The following ARHGAP42 variants were observed in gnomAD, a reference collection of about 807,000 sequenced individuals.
ARHGAP42 encodes the protein rho GTPase-activating protein 42.
Under a neutral mutation model 125.0 loss-of-function variants are expected in ARHGAP42, and 63 were observed. The ratio of observed to expected loss-of-function variants is 0.50; its 90% confidence interval spans 0.41 to 0.62. The LOEUF is 0.62. Among genes scored for constraint, ARHGAP42 ranks in the 20% least tolerant of loss-of-function variants. ARHGAP42 has a pLI of 0.00. For missense variants in ARHGAP42, 766 were observed against 1,024.2 expected (o/e 0.75, Z 3.44); for synonymous variants, 339 against 351.0 (o/e 0.97, Z 0.38).
intron 4 of ARHGAP42, among the ~76,000 whole-genome samples, chr11:100,905,285 C>T (rs1866693587): frequency 6.6e-6 from 1 of 152,156 alleles, no homozygotes; most frequent in South Asian, 2.1e-4. Context: ...CAAGTATTTG[C>T]CTTCAGGGAT....
intron 3 of ARHGAP42, among the ~76,000 whole-genome samples, chr11:100,841,214 C>T (rs1864939512): frequency 6.6e-6 from 1 of 152,130 alleles, no homozygotes; most frequent in Non-Finnish European, 1.5e-5. Flanking sequence ...TTGCTTTAAC[C>T]TTGTTAGCTC....
intron 1 of ARHGAP42, among the ~76,000 whole-genome samples, chr11:100,740,386 G>A (rs1371004715): frequency 3.3e-5 from 5 of 152,184 alleles, no homozygotes; most frequent in Non-Finnish European, 5.9e-5. Flanking sequence ...AAACTGTGAA[G>A]TGAGCACTAG....
chr11:100,842,593 T>A (rs1382428048), intron 3 of ARHGAP42, among the ~76,000 whole-genome samples: 1 of 152,076 alleles, frequency 6.6e-6, no homozygotes, highest in Non-Finnish European at 1.5e-5. Flanking sequence ...GGCGTAGAAA[T>A]CATAAGGTTT....
At chr11:100,793,212 C>T (rs1863614011) in intron 2 of ARHGAP42, among the ~76,000 whole-genome samples, 1 of 152,136 alleles carries the variant, frequency 6.6e-6, no homozygotes, top group Non-Finnish European at 1.5e-5. Flanking sequence ...GCTTCAGTGG[C>T]AGTAGATACC....
chr11:100,815,548 T>A lies in ARHGAP42; in HGVS notation c.312+20382T>A, dbSNP rs563853648. Among the ~76,000 whole-genome samples the A allele has an allele frequency of 9.2e-4, 140 of 152,338 alleles. 1 individual carries two copies. Among genetic ancestry groups the A allele is most frequent in the African/African-American group, 3.2e-3 (135 of 41,580 alleles). On this transcript the variant is annotated intron_variant, in intron 3 of 23. Transcript: ENST00000298815. ...TAGTTCCCAGATAGATGTGCAGATA[T>A]GTTTCTTCTTAGATGTGCAAAGAAT...
rs59112603 is a variant in ARHGAP42 at position 100,952,734 on chromosome 11, C to CTTTTTTT, written c.1162+2783_1162+2789dup. Among the ~76,000 whole-genome samples the CTTTTTTT allele has an allele frequency of 7.7e-5, 9 of 117,520 alleles. 2 individuals carry two copies. Among genetic ancestry groups the CTTTTTTT allele is most frequent in the Admixed American group, 1.0e-4 (1 of 9,854 alleles). 77.1% of individuals were successfully genotyped at this position (117,520 alleles called of 152,430 possible). A position where few individuals can be genotyped will look rare whatever the true frequency, so the allele number is the denominator to read the frequency against. On this transcript the variant is annotated intron_variant, in intron 12 of 23. Transcript: ENST00000298815. Reference sequence around the variant, plus strand: ...GTATTACTAATTCACCTAAGTCAGGCTTTTTTTTTTTGAGATGGAGTCTCA... The same window carrying CTTTTTTT: ...GTATTACTAATTCACCTAAGTCAGGCTTTTTTTTTTTTTTTTTTGAGATGGAGTCTCA...
intron 1 of ARHGAP42, among the ~76,000 whole-genome samples, chr11:100,710,356 AGCTGGGATTACAGGT>A (rs1861540657): frequency 6.6e-6 from 1 of 150,506 alleles, no homozygotes; most frequent in Admixed American, 6.6e-5. Flanking sequence ...CCTCCTGAGA[AGCTGGGATTACAGGT>A]GCATGCCACC....
At chr11:100,748,780 G>A (rs563256690) in intron 1 of ARHGAP42, among the ~76,000 whole-genome samples, 22 of 142,460 alleles carry the variant, frequency 1.5e-4, no homozygotes, top group African/African-American at 5.4e-4. Flanking sequence ...TTTGGGCTAC[G>A]CCCTTGTTTA....
chr11:100,902,052 T>C (rs899769753), intron 4 of ARHGAP42, among the ~76,000 whole-genome samples: 6 of 152,182 alleles, frequency 3.9e-5, no homozygotes, highest in African/African-American at 1.4e-4. Context: ...CAGACCCTCT[T>C]TTTTCTTTTT....
chr11:100,976,190 T>C lies in ARHGAP42; in HGVS notation c.1989T>C (p.Pro663=), dbSNP rs773220737. 1 of 1,551,692 alleles carries C rather than the reference T, an allele frequency of 6.4e-7. No homozygotes were observed. Among genetic ancestry groups the C allele is most frequent in the Non-Finnish European group, 8.7e-7 (1 of 1,146,934 alleles). ...CQPREKSGGI[P]WIATPSSSNG... is the part of the protein sequence containing the mutation. ...CCAGGGAGAAATCTGGAGGGATTCC[T>C]TGGATTGCAACCCCATCATCTTCCA... Residue 663 remains proline (P), a synonymous_variant, in exon 20 of 24, where the codon CCT becomes CCC. Coordinates refer to ENST00000298815, the MANE Select transcript of ARHGAP42 (RefSeq NM_152432.4).
intron 3 of ARHGAP42, among the ~76,000 whole-genome samples, chr11:100,804,563 T>A (rs1172333661): frequency 2.6e-5 from 4 of 151,090 alleles, no homozygotes; most frequent in African/African-American, 9.7e-5. Context: ...TTTTTTTTTT[T>A]AGTCAGAGTC....
At position 100,965,764 on chromosome 11, in the gene ARHGAP42, A is replaced by G; in HGVS notation, c.1538A>G (p.Lys513Arg). 6.4e-7 allele frequency: 1 copy of G among 1,550,880 alleles called. No homozygotes were observed. Among genetic ancestry groups the G allele is most frequent in the Non-Finnish European group, 8.7e-7 (1 of 1,146,396 alleles). The change falls in exon 17 of 24, where the codon AAG (lysine) becomes AGG (arginine). Residue 513 changes from lysine to arginine, a missense_variant. Lys to Arg is a conservative substitution (Grantham distance 26). Transcript: ENST00000298815. ...AGAGAGATGCTGGACATCTTAATAAAGCATCTGGTCAAGTAATTCTCTAAC... is the reference window on the plus strand; with the variant it reads ...AGAGAGATGCTGGACATCTTAATAAGGCATCTGGTCAAGTAATTCTCTAAC... ...KNREMLDILIKHLVKVSLHSQ... is the reference protein window; with the variant it reads ...KNREMLDILIRHLVKVSLHSQ...
intron 1 of ARHGAP42, among the ~76,000 whole-genome samples, chr11:100,710,809 G>T (rs560466870): frequency 6.6e-6 from 1 of 152,192 alleles, no homozygotes; most frequent in African/African-American, 2.4e-5. Context: ...AAAGTGCAGG[G>T]ATTACAGGCT....
At chr11:100,724,825 A>T (rs1861826793) in intron 1 of ARHGAP42, among the ~76,000 whole-genome samples, 1 of 125,454 alleles carries the variant, frequency 8.0e-6, no homozygotes. Context: ...TTTGTGCCCT[A>T]CTTTTTATTT....
At chr11:100,789,851 G>A (rs1398596021) in intron 2 of ARHGAP42, among the ~76,000 whole-genome samples, 1 of 152,040 alleles carries the variant, frequency 6.6e-6, no homozygotes, top group Non-Finnish European at 1.5e-5. Context: ...CTTTTTTTGG[G>A]GTGTGTGTTT....
At chr11:100,790,633 T>C (rs535078805) in intron 2 of ARHGAP42, among the ~76,000 whole-genome samples, 3 of 152,146 alleles carry the variant, frequency 2.0e-5, no homozygotes, top group African/African-American at 7.2e-5. Context: ...AATCCTAGAA[T>C]AAGAGTTGGT....
chr11:100,845,122 G>GTA (rs1278582813), intron 3 of ARHGAP42, among the ~76,000 whole-genome samples: 3 of 145,990 alleles, frequency 2.1e-5, no homozygotes, highest in Admixed American at 1.3e-4. Flanking sequence ...CATATCATAT[G>GTA]TATATATATG....
In ARHGAP42 at chr11:100,976,074, A is replaced by G; in HGVS notation, c.1873A>G (p.Ser625Gly). 1 of 1,532,680 alleles carries G rather than the reference A, an allele frequency of 6.5e-7. No homozygotes were observed. Among genetic ancestry groups the G allele is most frequent in the Non-Finnish European group, 8.8e-7 (1 of 1,137,814 alleles). 94.9% of individuals were successfully genotyped at this position (1,532,680 alleles called of 1,614,324 possible). A position where few individuals can be genotyped will look rare whatever the true frequency, so the allele number is the denominator to read the frequency against. The change falls in exon 20 of 24, where the codon AGC becomes GGC. Residue 625 changes from serine to glycine, a missense_variant. Coordinates refer to ENST00000298815, the MANE Select transcript of ARHGAP42 (RefSeq NM_152432.4). ...AEPDSDSYSSSPDSTPMGSIE... is the reference protein window; with the variant it reads ...AEPDSDSYSSGPDSTPMGSIE... ...CTCCTTAGGTGACTCCTATAGCAGC[A>G]GCCCAGACAGCACACCTATGGGGAG...
At chr11:100,851,237 G>C (rs1189806279) in intron 3 of ARHGAP42, among the ~76,000 whole-genome samples, 3 of 152,094 alleles carry the variant, frequency 2.0e-5, no homozygotes, top group African/African-American at 7.2e-5. Flanking sequence ...GGATGAACCT[G>C]AACACTGAAT....
Sources: gnomAD v4.1 joint callset for allele counts (sites outside exome capture counted in the v4.1 genomes callset) on GRCh38, gnomAD v4.1.1 for gene constraint, MANE v1.5 for transcripts, NCBI Gene and HGNC (gene_info 2026-07-23, HGNC 2026-07-21) for gene names.